ERMP1: variants seen among roughly 807,000 people sequenced by gnomAD.
The protein encoded by ERMP1 is Felix-ina.
A neutral mutation model predicts 92.0 loss-of-function variants in ERMP1; 86 were observed. The ratio of observed to expected loss-of-function variants is 0.93; its 90% confidence interval spans 0.79 to 1.12. The LOEUF (loss-of-function observed/expected upper bound fraction) is 1.12, where lower values mean the gene tolerates loss of function less well. Ranked by LOEUF, ERMP1 falls within the 50% of genes most tolerant of loss-of-function variation. The pLI, the probability that ERMP1 is intolerant of heterozygous loss-of-function variation, is 0.00. For synonymous variants in ERMP1, 530 were observed against 412.8 expected (o/e 1.28, Z -3.44); for missense variants, 1,342 against 1,116.3 (o/e 1.20, Z -2.88).
chr9:5,787,625 T>C, intron 13 of ERMP1, 32 bp from the exon 14 acceptor site: 7 of 1,589,076 alleles, frequency 4.4e-6, no homozygotes, highest in Non-Finnish European at 5.1e-6. Context: ...GAACAGTTAA[T>C]CTTTTTAAAA....
chr9:5,831,987 T>C (rs912879736), intron 1 of ERMP1, among the ~76,000 whole-genome samples: 1 of 152,148 alleles, frequency 6.6e-6, no homozygotes, highest in Non-Finnish European at 1.5e-5. Context: ...ACAGTAGCTG[T>C]TGAAAACTTG....
intron 10 of ERMP1, among the ~76,000 whole-genome samples, chr9:5,802,008 C>A (rs543840868): frequency 6.6e-6 from 1 of 152,196 alleles, no homozygotes; most frequent in East Asian, 1.9e-4. Context: ...AGGACACACA[C>A]GACTCACAGA....
At chr9:5,832,511 G>T in intron 1 of ERMP1, 179 bp downstream of exon 1, 1 of 502,162 alleles carries the variant, frequency 2.0e-6, no homozygotes, top group Non-Finnish European at 3.4e-6. Context: ...CCCAAGTCCC[G>T]GCAATTCAGA....
chr9:5,848,021 A>G (rs913338465), intron 6 of ERMP1, among the ~76,000 whole-genome samples: 1 of 152,150 alleles, frequency 6.6e-6, no homozygotes, highest in Non-Finnish European at 1.5e-5. Context: ...TAGAGAAAGG[A>G]TATCATTTAC....
intron 1 of ERMP1, among the ~76,000 whole-genome samples, chr9:5,832,102 G>C (rs968350269): frequency 3.4e-5 from 5 of 147,314 alleles, no homozygotes; most frequent in African/African-American, 1.3e-4. Flanking sequence ...AAAAAAAAAA[G>C]TCAAACCTTA....
At chr9:5,820,026 G>A (rs754986888) in intron 4 of ERMP1, among the ~76,000 whole-genome samples, 5 of 152,206 alleles carry the variant, frequency 3.3e-5, no homozygotes, top group East Asian at 1.9e-4. Context: ...CAGGCCGGGC[G>A]TGGTGGGTCA....
chr9:5,785,305 C>T lies in ERMP1; in HGVS notation c.*1839G>A, dbSNP rs977213839. On this transcript the variant is annotated 3_prime_UTR_variant, in exon 15 of 15. Transcript: ENST00000339450. ...AACACTAATTATATCAGATGAACCA[C>T]GGGGATAGAAAATAGGCCCATTTTT... is the stretch of plus-strand genomic sequence containing the variant. 4 of 152,112 alleles carry T rather than the reference C, an allele frequency of 2.6e-5. No individual in the cohort carries two copies. Among genetic ancestry groups the T allele is most frequent in the East Asian group, 1.9e-4 (1 of 5,200 alleles). The allele number at this position is 152,112 out of a possible 1,614,324, so 9.4% of individuals were successfully genotyped here.
At chr9:5,822,489 G>C (rs1195392281) in intron 4 of ERMP1, among the ~76,000 whole-genome samples, 1 of 152,120 alleles carries the variant, frequency 6.6e-6, no homozygotes, top group African/African-American at 2.4e-5. Context: ...AAATAAGTTT[G>C]ATGGAGACTA....
chr9:5,794,836 T>G (rs1828348804), intron 13 of ERMP1, among the ~76,000 whole-genome samples: 1 of 152,152 alleles, frequency 6.6e-6, no homozygotes, highest in African/African-American at 2.4e-5. Context: ...AGGAAGGAAT[T>G]ATACTAATTC....
Position 5,825,027 on chromosome 9 carries a change from T to C in ERMP1, c.768+65A>G, listed in dbSNP as rs1829682442. 6 of 1,496,990 alleles carry C rather than the reference T, an allele frequency of 4.0e-6. No individual in the cohort carries two copies. In the South Asian group the frequency reaches 5.9e-5, roughly 15 times the overall value. The allele number at this position is 1,496,990 out of a possible 1,614,324, so 92.7% of individuals were successfully genotyped here. On this transcript the variant is annotated intron_variant, in intron 3 of 14. Coordinates refer to ENST00000339450, the MANE Select transcript of ERMP1 (RefSeq NM_024896.3). ...AATGCATTTACTATTTAGTAAATAA[T>C]ATTTAGCTATTATTATTAATCTCAT...
At chr9:5,789,283 C>T (rs1036219623) in intron 13 of ERMP1, among the ~76,000 whole-genome samples, 3 of 151,736 alleles carry the variant, frequency 2.0e-5, no homozygotes, top group Admixed American at 6.6e-5. Context: ...AAAGTTTGAT[C>T]AAATAACTTA....
intron 4 of ERMP1, among the ~76,000 whole-genome samples, chr9:5,820,970 A>T (rs1475401544): frequency 1.3e-5 from 2 of 152,214 alleles, no homozygotes; most frequent in Admixed American, 1.3e-4. Flanking sequence ...TCAGGTATGG[A>T]GTTTAGCCAA....
chr9:5,807,785 T>A (rs1281287434), intron 8 of ERMP1, among the ~76,000 whole-genome samples: 1 of 151,924 alleles, frequency 6.6e-6, no homozygotes, highest in East Asian at 1.9e-4. Context: ...AATTCAAATG[T>A]TGCCATCTCA....
At chr9:5,805,504 A>G in intron 9 of ERMP1, 107 bp downstream of exon 9, 1 of 987,180 alleles carries the variant, frequency 1.0e-6, no homozygotes, top group South Asian at 2.1e-5. Context: ...TTTAAAAACT[A>G]ACAATTTAGA....
intron 5 of ERMP1, 32 bp from the exon 6 acceptor site, chr9:5,812,249 T>C: frequency 7.4e-7 from 1 of 1,359,228 alleles, no homozygotes; most frequent in South Asian, 1.3e-5. Context: ...AAAAAAGTCA[T>C]TTTGCTTTAA....
At chr9:5,854,596 A>C (rs952605274) in intron 6 of ERMP1, among the ~76,000 whole-genome samples, 2 of 152,036 alleles carry the variant, frequency 1.3e-5, no homozygotes, top group African/African-American at 4.8e-5. Context: ...CAGTGGTGTG[A>C]TCTCCACTCA....
Position 5,823,905 on chromosome 9 carries a change from A to G in ERMP1, c.865T>C (p.Phe289Leu). Residue 289 changes from phenylalanine (F) to leucine (L), a missense_variant, in exon 4 of 15, where the codon TTC (phenylalanine) becomes CTC (leucine). Physicochemically the swap from Phe to Leu is conservative, Grantham distance 22. Transcript: ENST00000339450. ...AAGVGGKELVFQTGPENPWLV... is the reference protein window; with the variant it reads ...AAGVGGKELVLQTGPENPWLV... ...GCACAATCTCACATACCTGTTTGGAATACAAGTTCTTTCCCTCCTACACCT... is the reference window on the plus strand; with the variant it reads ...GCACAATCTCACATACCTGTTTGGAGTACAAGTTCTTTCCCTCCTACACCT... The G allele has an allele frequency of 6.2e-7, 1 of 1,609,558 alleles. No homozygotes were observed. The highest frequency in any genetic ancestry group is 8.5e-7 in the Non-Finnish European group (1 of 1,175,962).
intron 2 of ERMP1, among the ~76,000 whole-genome samples, chr9:5,827,996 G>C (rs922093605): frequency 1.3e-5 from 2 of 150,552 alleles, no homozygotes; most frequent in African/African-American, 4.9e-5. Flanking sequence ...ATGAATAAGT[G>C]AATGAATGAA....
At chr9:5,791,748 A>G (rs1828207058) in intron 13 of ERMP1, among the ~76,000 whole-genome samples, 3 of 152,226 alleles carry the variant, frequency 2.0e-5, no homozygotes, top group African/African-American at 7.2e-5. Context: ...AAAGAAAAAC[A>G]GTTGCTAAAT....
Sources: allele counts gnomAD v4.1 joint callset (sites outside exome capture counted in the v4.1 genomes callset), GRCh38; gene constraint gnomAD v4.1.1; transcripts MANE v1.5; gene names NCBI Gene and HGNC (gene_info 2026-07-23, HGNC 2026-07-21).